Variants in TENM4 observed in about 807,000 individuals in gnomAD.
TENM4 encodes teneurin transmembrane protein 4, also known as teneurin-4.
TENM4 carries 82 observed loss-of-function variants against 243.3 expected under a neutral mutation model. The observed-to-expected ratio is 0.34, with a 90% CI of 0.28 to 0.40. TENM4 has a LOEUF of 0.40. Ranked by LOEUF, TENM4 falls within the 10% of genes least tolerant of loss-of-function variation. The pLI, the probability that TENM4 is intolerant of heterozygous loss-of-function variation, is 1.00. For synonymous variants in TENM4, 1,412 were observed against 1,456.3 expected (o/e 0.97, Z 0.69); for missense variants, 3,138 against 3,673.3 (o/e 0.85, Z 3.77).
intron 2 of TENM4, among the ~76,000 whole-genome samples, chr11:79,230,282 C>G (rs1389033928): frequency 6.6e-6 from 1 of 152,156 alleles, no homozygotes; most frequent in Admixed American, 6.5e-5. Context: ...CTCCATGTGG[C>G]TGGAAGAGAC....
intron 6 of TENM4, among the ~76,000 whole-genome samples, chr11:78,944,010 A>G (rs1204896422): frequency 1.3e-5 from 2 of 152,282 alleles, no homozygotes; most frequent in East Asian, 3.9e-4. Context: ...TCATACTTTC[A>G]CATGCCTTAT....
At chr11:78,736,333 T>G (rs1197983177) in intron 20 of TENM4, among the ~76,000 whole-genome samples, 2 of 152,114 alleles carry the variant, frequency 1.3e-5, no homozygotes, top group African/African-American at 4.8e-5. Context: ...TCTTTTAGTT[T>G]TTCTTCATGG....
intron 6 of TENM4, among the ~76,000 whole-genome samples, chr11:78,979,598 G>C (rs1393366958): frequency 6.6e-6 from 1 of 152,188 alleles, no homozygotes; most frequent in Non-Finnish European, 1.5e-5. Flanking sequence ...ACAGCAGTGG[G>C]CTGGTTAGAG....
intron 2 of TENM4, among the ~76,000 whole-genome samples, chr11:79,254,100 T>C (rs943558115): frequency 2.6e-5 from 4 of 152,228 alleles, no homozygotes; most frequent in Admixed American, 1.3e-4. Context: ...CTGGTGAAAC[T>C]ATTTTGTAGG....
At chr11:78,666,159 G>A (rs570028717) in intron 32 of TENM4, among the ~76,000 whole-genome samples, 5 of 152,144 alleles carry the variant, frequency 3.3e-5, no homozygotes, top group Non-Finnish European at 5.9e-5. Context: ...GTTCTTATTC[G>A]TGATTGCACA....
At chr11:79,046,784 T>A (rs781764072) in intron 6 of TENM4, among the ~76,000 whole-genome samples, 6 of 152,174 alleles carry the variant, frequency 3.9e-5, no homozygotes, top group Non-Finnish European at 5.9e-5. Flanking sequence ...GCCCTGTCTA[T>A]ACCACCCAGA....
At chr11:79,100,922 A>C (rs1379436753) in intron 4 of TENM4, among the ~76,000 whole-genome samples, 1 of 152,192 alleles carries the variant, frequency 6.6e-6, no homozygotes, top group Non-Finnish European at 1.5e-5. Flanking sequence ...CATCCCCCAG[A>C]AAAGGTCACA....
At chr11:79,359,609 T>A (rs1857557126) in intron 1 of TENM4, among the ~76,000 whole-genome samples, 1 of 151,948 alleles carries the variant, frequency 6.6e-6, no homozygotes, top group Non-Finnish European at 1.5e-5. Context: ...AAAAGTCTCA[T>A]AAAAATTAAT....
chr11:78,922,957 T>A (rs1856477014), intron 6 of TENM4, among the ~76,000 whole-genome samples: 1 of 152,184 alleles, frequency 6.6e-6, no homozygotes, highest in Non-Finnish European at 1.5e-5. Context: ...ACCAGCGATA[T>A]CAGCTCCACC....
chr11:78,675,476 C>T (rs1412075389), intron 30 of TENM4, among the ~76,000 whole-genome samples: 2 of 152,176 alleles, frequency 1.3e-5, no homozygotes, highest in African/African-American at 4.8e-5. Flanking sequence ...CTGCCTTTCT[C>T]AAGGTGGAGG....
rs529296863 is a variant in TENM4, at chr11:79,409,126, G to A, written c.-321+31383C>T. The stretch of plus-strand genomic sequence containing the variant: ...TGCGCGCGCGCGCGTGCGTGCACGC[G>A]CACGCACATGCGTGAGAGTTAGTGG... On this transcript the variant is annotated intron_variant, in intron 1 of 33. Transcript: ENST00000278550. 1.2e-3 allele frequency among the ~76,000 whole-genome samples: 178 copies of A among 150,144 alleles called. 1 individual carries two copies. Among genetic ancestry groups the A allele is most frequent in the African/African-American group, 4.0e-3 (162 of 40,820 alleles).
At chr11:78,851,820 T>C (rs1419785905) in intron 12 of TENM4, among the ~76,000 whole-genome samples, 5 of 152,210 alleles carry the variant, frequency 3.3e-5, no homozygotes, top group Non-Finnish European at 7.3e-5. Context: ...ACTGTTAGCC[T>C]TAATGTCACC....
At chr11:79,297,084 G>A (rs1173810473) in intron 2 of TENM4, among the ~76,000 whole-genome samples, 3 of 152,192 alleles carry the variant, frequency 2.0e-5, no homozygotes, top group East Asian at 1.9e-4. Context: ...AGCCCAGAAC[G>A]CTTGACCACA....
At chr11:79,435,327 A>G (rs1280295418) in intron 1 of TENM4, among the ~76,000 whole-genome samples, 1 of 152,234 alleles carries the variant, frequency 6.6e-6, no homozygotes, top group African/African-American at 2.4e-5. Flanking sequence ...GAGAACATTC[A>G]GGGATCCATG....
chr11:78,685,481 A>G (rs540582160), intron 29 of TENM4, among the ~76,000 whole-genome samples: 41 of 152,236 alleles, frequency 2.7e-4, no homozygotes, highest in Admixed American at 7.8e-4. Context: ...CCAAGAAGTG[A>G]TTTTTCTTTT....
chr11:79,242,606 A>G (rs576716316), intron 2 of TENM4, among the ~76,000 whole-genome samples: 25 of 152,324 alleles, frequency 1.6e-4, no homozygotes, highest in African/African-American at 5.8e-4. Context: ...TCCCCATGTC[A>G]TTAAAAGCTC....
rs778605809 is a variant in TENM4, at chr11:78,670,331, C to T, written c.6014G>A (p.Gly2005Asp). 71 of 1,613,744 alleles carry T rather than the reference C, an allele frequency of 4.4e-5. No homozygotes were observed. The highest frequency in any genetic ancestry group is 5.8e-5 in the Non-Finnish European group (69 of 1,179,838). Reference sequence around the variant, plus strand: ...CTTGTATATCACCCTGCGGCCAGTGCCCAGGTAGAAGGTGTGAAGGAGGTG... The same window carrying T: ...CTTGTATATCACCCTGCGGCCAGTGTCCAGGTAGAAGGTGTGAAGGAGGTG... ...DGHLLHTFYL[G>D]TGRRVIYKYG... Residue 2005 changes from glycine (G) to aspartate (D), a missense_variant, in exon 32 of 34, where the codon GGC (glycine) becomes GAC (aspartate). Physicochemically the swap from Gly to Asp is moderately conservative, Grantham distance 94. Coordinates refer to ENST00000278550, the MANE Select transcript of TENM4 (RefSeq NM_001098816.3).
chr11:79,044,109 T>A (rs1039717781), intron 6 of TENM4, among the ~76,000 whole-genome samples: 6 of 152,144 alleles, frequency 3.9e-5, no homozygotes, highest in Non-Finnish European at 8.8e-5. Context: ...CCCAACCCCA[T>A]CAGATTAAAG....
At chr11:79,307,204 C>T (rs1160878476) in intron 1 of TENM4, among the ~76,000 whole-genome samples, 1 of 152,070 alleles carries the variant, frequency 6.6e-6, no homozygotes, top group African/African-American at 2.4e-5. Flanking sequence ...ATGTGAATTG[C>T]CCCAGATGCA....
Sources: gnomAD v4.1 joint callset for allele counts (sites outside exome capture counted in the v4.1 genomes callset) on GRCh38, gnomAD v4.1.1 for gene constraint, MANE v1.5 for transcripts, NCBI Gene and HGNC (gene_info 2026-07-23, HGNC 2026-07-21) for gene names.